The following ARL15 variants were observed in gnomAD, a reference collection of about 807,000 sequenced individuals.
The protein encoded by ARL15 is ARF like GTPase 15.
ARL15 carries 19 observed loss-of-function variants against 25.2 expected under a neutral mutation model. The observed-to-expected ratio is 0.75, with a 90% CI of 0.53 to 1.10. ARL15 has a LOEUF of 1.10. ARL15 is among the 50% of genes least tolerant of loss of function. The pLI is 0.00. For synonymous variants in ARL15, 94 were observed against 86.8 expected, an observed-to-expected ratio of 1.08 and a Z score of -0.46; for missense variants, 220 against 246.0, an observed-to-expected ratio of 0.89 and a Z score of 0.71.
At chr5:54,054,830 T>C (rs1414547197) in intron 4 of ARL15, among the ~76,000 whole-genome samples, 1 of 151,722 alleles carries the variant, frequency 6.6e-6, no homozygotes, top group Non-Finnish European at 1.5e-5. Context: ...GGTAAAGGTG[T>C]TAATCTGAAG....
At chr5:54,034,716 T>C (rs765380982) in intron 4 of ARL15, among the ~76,000 whole-genome samples, 44 of 152,134 alleles carry the variant, frequency 2.9e-4, no homozygotes, top group Non-Finnish European at 5.3e-4. Flanking sequence ...TGGAGTGCAG[T>C]GGCACAATCA....
chr5:54,156,160 T>C (rs1754226233), intron 2 of ARL15, among the ~76,000 whole-genome samples: 1 of 152,202 alleles, frequency 6.6e-6, no homozygotes, highest in African/African-American at 2.4e-5. Flanking sequence ...TTGCACTTCT[T>C]TGCTGCATGT....
chr5:54,004,875 G>T (rs1323043236), intron 4 of ARL15, among the ~76,000 whole-genome samples: 1 of 152,094 alleles, frequency 6.6e-6, no homozygotes, highest in Non-Finnish European at 1.5e-5. Flanking sequence ...TGTACATTTT[G>T]TTGAGGGCCT....
chr5:53,885,710 T>C lies in ARL15; in HGVS notation c.*851A>G, dbSNP rs1043981208. On this transcript the variant is annotated 3_prime_UTR_variant, in exon 5 of 5. Transcript: ENST00000504924. ...AATTTTTATCTATTATTTTAAAAAT[T>C]ATTTTCTCTATTTTAATCAAACACT... 6.6e-6 allele frequency: 1 copy of C among 152,320 alleles called. No homozygotes were observed. Among genetic ancestry groups the C allele is most frequent in the Non-Finnish European group, 1.5e-5 (1 of 68,032 alleles). 9.4% of individuals were successfully genotyped at this position (152,320 alleles called of 1,614,324 possible). A position where few individuals can be genotyped will look rare whatever the true frequency, so the allele number is the denominator to read the frequency against.
chr5:54,027,517 C>A (rs1167587606), intron 4 of ARL15, among the ~76,000 whole-genome samples: 1 of 152,190 alleles, frequency 6.6e-6, no homozygotes, highest in Non-Finnish European at 1.5e-5. Flanking sequence ...TGAATACCAA[C>A]AAGCCTAAAT....
At chr5:54,107,732 T>C (rs1194282304) in intron 4 of ARL15, among the ~76,000 whole-genome samples, 4 of 152,126 alleles carry the variant, frequency 2.6e-5, no homozygotes, top group African/African-American at 9.7e-5. Context: ...TGGAAAGGAA[T>C]GGGGGTTTTA....
intron 1 of ARL15, among the ~76,000 whole-genome samples, chr5:54,214,131 G>A (rs1012354674): frequency 6.6e-6 from 1 of 151,514 alleles, no homozygotes; most frequent in African/African-American, 2.4e-5. Flanking sequence ...GAAGGAAGGG[G>A]GCTTGATAGA....
At chr5:53,985,916 C>CACT (rs1180427003) in intron 4 of ARL15, among the ~76,000 whole-genome samples, 1 of 152,166 alleles carries the variant, frequency 6.6e-6, no homozygotes, top group Non-Finnish European at 1.5e-5. Context: ...CGTTTTCAGA[C>CACT]ACTCAAAAGA....
At chr5:54,108,050 TAATA>T (rs931139236) in intron 4 of ARL15, among the ~76,000 whole-genome samples, 2 of 152,142 alleles carry the variant, frequency 1.3e-5, no homozygotes, top group African/African-American at 4.8e-5. Context: ...AATTAATGTA[TAATA>T]AATAAAATAT....
intron 4 of ARL15, among the ~76,000 whole-genome samples, chr5:54,102,540 CT>C (rs2112182478): frequency 6.6e-6 from 1 of 152,070 alleles, no homozygotes; most frequent in East Asian, 1.9e-4. Flanking sequence ...CTTTTTTGGC[CT>C]ATTTTTCAGG....
chr5:54,309,389 C>T (rs1463223987), intron 1 of ARL15, among the ~76,000 whole-genome samples: 3 of 152,238 alleles, frequency 2.0e-5, no homozygotes, highest in Non-Finnish European at 4.4e-5. Flanking sequence ...GCCATCAAAG[C>T]ATGCACAGAC....
At chr5:54,168,489 A>G (rs1754638734) in intron 2 of ARL15, among the ~76,000 whole-genome samples, 1 of 151,828 alleles carries the variant, frequency 6.6e-6, no homozygotes, top group African/African-American at 2.4e-5. Flanking sequence ...TTGAATACCC[A>G]GCATAACTGT....
chr5:54,231,317 C>A (rs1459645628), intron 1 of ARL15, among the ~76,000 whole-genome samples: 1 of 152,118 alleles, frequency 6.6e-6, no homozygotes, highest in Non-Finnish European at 1.5e-5. Flanking sequence ...AACTGTTTCT[C>A]GAAACCAAGT....
intron 2 of ARL15, among the ~76,000 whole-genome samples, chr5:54,155,003 C>A (rs1754185418): frequency 6.6e-6 from 1 of 152,138 alleles, no homozygotes; most frequent in Non-Finnish European, 1.5e-5. Context: ...CGCCTGTAAT[C>A]CCAGCTACTC....
At chr5:54,036,120 A>G (rs1353742868) in intron 4 of ARL15, among the ~76,000 whole-genome samples, 1 of 151,980 alleles carries the variant, frequency 6.6e-6, no homozygotes, top group East Asian at 1.9e-4. Context: ...AATGCACTCC[A>G]GTCTGGGCAA....
At chr5:54,240,163 C>G (rs1437262547) in intron 1 of ARL15, among the ~76,000 whole-genome samples, 2 of 150,790 alleles carry the variant, frequency 1.3e-5, no homozygotes, top group South Asian at 2.1e-4. Context: ...GGAGGCGGAG[C>G]TTGCAGTGAG....
intron 3 of ARL15, among the ~76,000 whole-genome samples, chr5:54,122,013 G>C (rs934984429): frequency 6.6e-6 from 1 of 152,164 alleles, no homozygotes; most frequent in African/African-American, 2.4e-5. Flanking sequence ...AGTTAGCTCA[G>C]TACCTGGAAG....
chr5:54,051,637 A>G (rs1455848622), intron 4 of ARL15, among the ~76,000 whole-genome samples: 1 of 152,206 alleles, frequency 6.6e-6, no homozygotes, highest in African/African-American at 2.4e-5. Context: ...CACGTTTGCT[A>G]AAATAGCTAA....
chr5:54,207,455 C>T (rs561367358), intron 1 of ARL15, among the ~76,000 whole-genome samples: 3 of 152,144 alleles, frequency 2.0e-5, no homozygotes, highest in Non-Finnish European at 4.4e-5. Flanking sequence ...CTGACCAAAC[C>T]GCCTATTGAG....
Sources: gnomAD v4.1 joint callset for allele counts (sites outside exome capture counted in the v4.1 genomes callset) on GRCh38, gnomAD v4.1.1 for gene constraint, MANE v1.5 for transcripts, NCBI Gene and HGNC (gene_info 2026-07-23, HGNC 2026-07-21) for gene names.